Variants in ENG observed in about 807,000 individuals in gnomAD.
ENG encodes the protein CD105 antigen.
ENG carries 17 observed loss-of-function variants against 71.0 expected under a neutral mutation model. The ratio of observed to expected loss-of-function variants is 0.24; its 90% confidence interval spans 0.16 to 0.36. The LOEUF is 0.36. Ranked by LOEUF, ENG falls within the 10% of genes least tolerant of loss-of-function variation. The pLI is 1.00. For synonymous variants in ENG, 360 were observed against 366.9 expected (o/e 0.98, Z 0.21); for missense variants, 749 against 868.3 (o/e 0.86, Z 1.73).
chr9:127,847,459 C>T (rs1235008804), intron 1 of ENG, among the ~76,000 whole-genome samples: 4 of 151,824 alleles, frequency 2.6e-5, no homozygotes, highest in Non-Finnish European at 5.9e-5. Context: ...CCGCTGCCAC[C>T]CCCCCTTTTC....
chr9:127,824,169 A>G (rs1830541392), intron 8 of ENG, 135 bp downstream of exon 8: 1 of 1,258,428 alleles, frequency 7.9e-7, no homozygotes, highest in Admixed American at 1.9e-5. Context: ...ATTCCATTAT[A>G]CAAGTGGGAA....
intron 8 of ENG, 24 bp downstream of exon 8, chr9:127,824,280 C>T (rs1830544720): frequency 4.3e-6 from 7 of 1,613,998 alleles, no homozygotes; most frequent in Non-Finnish European, 5.9e-6. Context: ...TCATCCTGAG[C>T]CAGAGGGGCA....
At chr9:127,818,679 G>T in intron 11 of ENG, 37 bp downstream of exon 11, 2 of 1,599,320 alleles carry the variant, frequency 1.3e-6, no homozygotes, top group East Asian at 4.5e-5. Flanking sequence ...AGTTCCAGGA[G>T]CTGGGAGGCC....
intron 8 of ENG, among the ~76,000 whole-genome samples, chr9:127,822,971 G>A (rs1225756443): frequency 6.6e-6 from 1 of 151,930 alleles, no homozygotes; most frequent in Non-Finnish European, 1.5e-5. Flanking sequence ...CTCCTGAGTA[G>A]CTGGGACTAC....
At chr9:127,828,880 C>T (rs993565838) in intron 3 of ENG, among the ~76,000 whole-genome samples, 5 of 152,200 alleles carry the variant, frequency 3.3e-5, no homozygotes, top group East Asian at 1.9e-4. Flanking sequence ...TGCTCTCCCC[C>T]GGGCTCTCCC....
At chr9:127,826,140 A>T (rs946772152) in intron 4 of ENG, among the ~76,000 whole-genome samples, 3 of 152,216 alleles carry the variant, frequency 2.0e-5, no homozygotes, top group Non-Finnish European at 4.4e-5. Flanking sequence ...GAAATTATAG[A>T]TTTATCTGTG....
intron 2 of ENG, among the ~76,000 whole-genome samples, chr9:127,831,817 G>T (rs552414099): frequency 2.0e-5 from 3 of 150,886 alleles, no homozygotes; most frequent in Non-Finnish European, 4.4e-5. Context: ...TCAGCCTCCT[G>T]AGTAGCTAGG....
intron 1 of ENG, among the ~76,000 whole-genome samples, chr9:127,852,406 G>T (rs1483237335): frequency 6.6e-6 from 1 of 152,126 alleles, no homozygotes; most frequent in Non-Finnish European, 1.5e-5. Context: ...CTGGCCCCAG[G>T]CTCCCCTCTG....
chr9:127,819,973 C>G lies in ENG; in HGVS notation c.1199G>C (p.Gly400Ala). 1.2e-6 allele frequency: 2 copies of G among 1,614,226 alleles called. No individual in the cohort carries two copies. The highest frequency in any genetic ancestry group is 1.7e-6 in the Non-Finnish European group (2 of 1,180,036). Residue 400 changes from glycine (G) to alanine (A), a missense_variant, in exon 9 of 15, where the codon GGT (glycine) becomes GCT (alanine). Transcript: ENST00000373203. ...AGCACTGCGCAAGACAAACTTGTCA[C>G]CCCTGTCCTCTGCCTCACAGCTGGG... The part of the protein sequence containing the change: ...WDPSCEAEDR[G>A]DKFVLRSAYS...
At chr9:127,852,467 C>T (rs1829051523) in intron 1 of ENG, among the ~76,000 whole-genome samples, 1 of 152,182 alleles carries the variant, frequency 6.6e-6, no homozygotes, top group Non-Finnish European at 1.5e-5. Context: ...GGTTGATGGT[C>T]TGTTGTACCT....
chr9:127,816,456 TC>T, intron 13 of ENG: 1 of 341,706 alleles, frequency 2.9e-6, no homozygotes, highest in Non-Finnish European at 5.7e-6. Context: ...CCAGAGCAGC[TC>T]CGAGTGCCCT....
intron 1 of ENG, among the ~76,000 whole-genome samples, chr9:127,843,732 C>CACATATATATATAT (rs1554812389): frequency 3.0e-3 from 38 of 12,756 alleles, no homozygotes; most frequent in South Asian, 7.5e-3. Context: ...CACACATCCA[C>CACATATATATATAT]ATACATATAT....
At chr9:127,817,393 C>G (rs1830351705) in intron 12 of ENG, 190 bp from the exon 13 acceptor site, 16 of 653,202 alleles carry the variant, frequency 2.4e-5, no homozygotes, top group Non-Finnish European at 2.8e-6. Context: ...TGGACGATCC[C>G]TGGCTGCTGC....
rs776749626 is a variant in ENG, at chr9:127,825,745, G to A, written c.639C>T (p.Ala213=). Residue 213 remains alanine (A), a synonymous_variant, in exon 5 of 15, where the codon GCC becomes GCT. Transcript: ENST00000373203. ...LVRGCHLEGV[A]GHKEAHILRV... Reference sequence around the variant, plus strand: ...TCAGGATGTGCGCCTCCTTGTGGCCGGCCACGCCTTCCAAGTGGCAGCCCC... The same window carrying A: ...TCAGGATGTGCGCCTCCTTGTGGCCAGCCACGCCTTCCAAGTGGCAGCCCC... 17 of 1,599,672 alleles carry A rather than the reference G, an allele frequency of 1.1e-5. No individual in the cohort carries two copies. Among genetic ancestry groups the A allele is most frequent in the South Asian group, 6.7e-5 (6 of 89,320 alleles).
At chr9:127,835,549 A>G (rs1317443994) in intron 2 of ENG, among the ~76,000 whole-genome samples, 5 of 152,180 alleles carry the variant, frequency 3.3e-5, no homozygotes, top group Non-Finnish European at 5.9e-5. Flanking sequence ...GAGGACATCC[A>G]TCCGCCATCC....
At chr9:127,852,531 C>T (rs148747656) in intron 1 of ENG, among the ~76,000 whole-genome samples, 1 of 152,324 alleles carries the variant, frequency 6.6e-6, no homozygotes, top group African/African-American at 2.4e-5. Flanking sequence ...CTCACAGGAA[C>T]AGACGGATAC....
chr9:127,846,635 G>C lies in ENG; in HGVS notation c.68-3390C>G, dbSNP rs1276930746. 1.3e-5 allele frequency among the ~76,000 whole-genome samples: 2 copies of C among 152,140 alleles called. No individual in the cohort carries two copies. Among genetic ancestry groups the C allele is most frequent in the Non-Finnish European group, 2.9e-5 (2 of 68,014 alleles). On this transcript the variant is annotated intron_variant, in intron 1 of 14. Transcript: ENST00000373203. This position sits in a 1 kb window ranked among gnomAD's most constrained non-coding sequence, Gnocchi z 5.5. The stretch of plus-strand genomic sequence containing the variant: ...TCAGATAAGAGGTCCATTTATTTTG[G>C]GGCCTTTTCGAATCCTGGCCGCCCC...
intron 2 of ENG, among the ~76,000 whole-genome samples, chr9:127,830,454 C>T (rs1830737564): frequency 1.3e-5 from 2 of 151,470 alleles, no homozygotes; most frequent in Admixed American, 6.6e-5. Context: ...ACTAGTCTGT[C>T]CAACATGGTG....
At chr9:127,847,075 C>T in intron 1 of ENG, 1 of 385,420 alleles carries the variant, frequency 2.6e-6, no homozygotes, top group South Asian at 1.1e-4. Context: ...CATTTGCAGA[C>T]CACCAATAAT....
Sources: allele counts gnomAD v4.1 joint callset (sites outside exome capture counted in the v4.1 genomes callset), GRCh38; gene constraint gnomAD v4.1.1; non-coding constraint Gnocchi (gnomAD v3.1); transcripts MANE v1.5; gene names NCBI Gene and HGNC (gene_info 2026-07-23, HGNC 2026-07-21).